The following CNTNAP4 variants were observed in gnomAD, a reference collection of about 807,000 sequenced individuals.
CNTNAP4 encodes the protein contactin-associated protein-like 4.
In CNTNAP4, 98 loss-of-function variants were observed where a neutral mutation model predicts 148.4. The observed-to-expected ratio is 0.66, with a 90% CI of 0.56 to 0.78. The LOEUF is 0.78. Among genes scored for constraint, CNTNAP4 ranks in the 30% least tolerant of loss-of-function variants. The pLI, the probability that CNTNAP4 is intolerant of heterozygous loss-of-function variation, is 0.00. For missense variants in CNTNAP4, 1,935 were observed against 1,565.6 expected (o/e 1.24, Z -3.98); for synonymous variants, 730 against 565.1 (o/e 1.29, Z -4.14).
At chr16:76,382,454 T>C (rs949235657) in intron 3 of CNTNAP4, among the ~76,000 whole-genome samples, 2 of 152,162 alleles carry the variant, frequency 1.3e-5, no homozygotes, top group Admixed American at 6.6e-5. Context: ...ACTTAAAATA[T>C]TGTGCTGTGA....
chr16:76,476,093 G>C, intron 11 of CNTNAP4, 48 bp downstream of exon 11: 1 of 1,321,936 alleles, frequency 7.6e-7, no homozygotes, highest in Non-Finnish European at 1.1e-6. Context: ...TGGTTTCTTT[G>C]TCCCATTTCC....
At chr16:76,448,709 T>G in intron 5 of CNTNAP4, 58 bp from the exon 6 acceptor site, 7 of 579,232 alleles carry the variant, frequency 1.2e-5, no homozygotes, top group Non-Finnish European at 1.7e-5. Flanking sequence ...GAAGGGAACC[T>G]TTTTTTTTTT....
chr16:76,426,730 C>T lies in CNTNAP4; in HGVS notation c.391-722C>T, dbSNP rs116686082. Reference sequence around the variant, plus strand: ...GCAAACACTGGAGGGATTTTTTTTTCTTTCCTTTCTGACCTCTAATTTCCT... The same window carrying T: ...GCAAACACTGGAGGGATTTTTTTTTTTTTCCTTTCTGACCTCTAATTTCCT... On this transcript the variant is annotated intron_variant, in intron 3 of 23. Coordinates refer to ENST00000611870, the MANE Select transcript of CNTNAP4 (RefSeq NM_033401.5). 8.1e-3 allele frequency among the ~76,000 whole-genome samples: 1,223 copies of T among 151,730 alleles called. 21 individuals are homozygous for T. Among genetic ancestry groups the T allele is most frequent in the African/African-American group, 0.028 (1,162 of 41,420 alleles).
intron 3 of CNTNAP4, among the ~76,000 whole-genome samples, chr16:76,424,289 C>G (rs944472862): frequency 1.3e-5 from 2 of 152,040 alleles, no homozygotes; most frequent in Non-Finnish European, 2.9e-5. Flanking sequence ...AATGTGAGAT[C>G]TTTTGGAGGG....
chr16:76,307,787 A>T (rs1352752393), intron 1 of CNTNAP4, among the ~76,000 whole-genome samples: 1 of 152,076 alleles, frequency 6.6e-6, no homozygotes, highest in Non-Finnish European at 1.5e-5. Flanking sequence ...AACCTCTAAA[A>T]TCAATCAGCC....
At chr16:76,419,283 A>T (rs2079096815) in intron 3 of CNTNAP4, among the ~76,000 whole-genome samples, 1 of 151,880 alleles carries the variant, frequency 6.6e-6, no homozygotes, top group Admixed American at 6.6e-5. Context: ...TGGGAGAAGT[A>T]CTGCCCCCCA....
At chr16:76,354,356 T>C (rs930964627) in intron 2 of CNTNAP4, among the ~76,000 whole-genome samples, 1 of 152,234 alleles carries the variant, frequency 6.6e-6, no homozygotes, top group African/African-American at 2.4e-5. Flanking sequence ...TTGGATCAAA[T>C]ATAACACAGT....
intron 3 of CNTNAP4, among the ~76,000 whole-genome samples, chr16:76,392,205 G>T (rs563987419): frequency 6.6e-6 from 1 of 152,246 alleles, no homozygotes; most frequent in Non-Finnish European, 1.5e-5. Flanking sequence ...TGTTAGCCAG[G>T]CTTGTCGTGA....
intron 2 of CNTNAP4, among the ~76,000 whole-genome samples, chr16:76,331,760 AC>A (rs1234792709): frequency 1.3e-5 from 2 of 152,204 alleles, no homozygotes; most frequent in African/African-American, 4.8e-5. Flanking sequence ...AAGGGGAATT[AC>A]AAACCTCCAA....
At chr16:76,309,321 G>A (rs1597145435) in intron 1 of CNTNAP4, among the ~76,000 whole-genome samples, 1 of 152,118 alleles carries the variant, frequency 6.6e-6, no homozygotes, top group East Asian at 2.0e-4. Context: ...TTTATTTAGA[G>A]TTTGCTGCAG....
intron 1 of CNTNAP4, among the ~76,000 whole-genome samples, chr16:76,308,123 AT>A (rs997266565): frequency 5.2e-5 from 5 of 95,938 alleles, no homozygotes; most frequent in East Asian, 2.8e-4. Flanking sequence ...TTGCAGGAAC[AT>A]TTTTTTTTTA....
At chr16:76,449,491 A>G (rs1385436384) in intron 6 of CNTNAP4, among the ~76,000 whole-genome samples, 1 of 152,206 alleles carries the variant, frequency 6.6e-6, no homozygotes, top group African/African-American at 2.4e-5. Context: ...ACCAGTGAAT[A>G]TCAAAGCCAG....
intron 4 of CNTNAP4, among the ~76,000 whole-genome samples, chr16:76,436,849 A>T (rs531817554): frequency 6.6e-6 from 1 of 151,816 alleles, no homozygotes; most frequent in East Asian, 1.9e-4. Context: ...TAAGCAGCCA[A>T]CTCCAGAAAC....
chr16:76,423,089 A>T (rs116289950), intron 3 of CNTNAP4, among the ~76,000 whole-genome samples: 2,000 of 152,254 alleles, frequency 0.013, 39 homozygotes, highest in African/African-American at 0.04. Context: ...TGAAACATGA[A>T]GTAGGCCTTC....
chr16:76,492,670 A>G (rs1405469079), intron 13 of CNTNAP4, among the ~76,000 whole-genome samples: 1 of 152,182 alleles, frequency 6.6e-6, no homozygotes, highest in African/African-American at 2.4e-5. Flanking sequence ...ATGGCAGTGA[A>G]TAAGTCTCAT....
rs374920499 is a variant in CNTNAP4, at chr16:76,431,940, C to G, written c.538+4341C>G. Among the ~76,000 whole-genome samples, 3 of 151,910 alleles carry G rather than the reference C, an allele frequency of 2.0e-5. No individual in the cohort carries two copies. In the South Asian group the frequency reaches 6.2e-4, roughly 32 times the overall value. On this transcript the variant is annotated intron_variant, in intron 4 of 23. Coordinates refer to ENST00000611870, the MANE Select transcript of CNTNAP4 (RefSeq NM_033401.5). ...GTTTTTGACACATTGAGTTCAAGGG[C>G]CTTTGATATATGGAAGATTGGAACT...
intron 2 of CNTNAP4, among the ~76,000 whole-genome samples, chr16:76,337,066 C>A (rs1002562339): frequency 2.0e-5 from 3 of 152,140 alleles, no homozygotes; most frequent in Admixed American, 2.0e-4. Context: ...ATAAAACAAC[C>A]TGAAATATTC....
intron 3 of CNTNAP4, among the ~76,000 whole-genome samples, chr16:76,366,416 T>C (rs543373492): frequency 3.3e-5 from 5 of 152,340 alleles, no homozygotes; most frequent in African/African-American, 1.2e-4. Context: ...AGTTTGCTAA[T>C]GATAATGGCC....
intron 21 of CNTNAP4, among the ~76,000 whole-genome samples, chr16:76,552,488 G>C (rs776638879): frequency 2.0e-5 from 3 of 152,104 alleles, no homozygotes; most frequent in Non-Finnish European, 4.4e-5. Context: ...ATATTCCTAA[G>C]TTAAAATTAT....
Sources: gnomAD v4.1 joint callset for allele counts (sites outside exome capture counted in the v4.1 genomes callset) on GRCh38, gnomAD v4.1.1 for gene constraint, MANE v1.5 for transcripts, NCBI Gene and HGNC (gene_info 2026-07-23, HGNC 2026-07-21) for gene names.